The following HS6ST2 variants were observed in gnomAD, a reference collection of about 807,000 sequenced individuals.
HS6ST2 encodes the protein heparan-sulfate 6-O-sulfotransferase 2.
A neutral mutation model predicts 33.0 loss-of-function variants in HS6ST2; 17 were observed. The observed-to-expected ratio is 0.52, with a 90% confidence interval of 0.35 to 0.77. The LOEUF (loss-of-function observed/expected upper bound fraction) is 0.77, where lower values mean the gene tolerates loss of function less well. Among genes scored for constraint, HS6ST2 ranks in the 30% least tolerant of loss-of-function variants. The pLI, the probability that HS6ST2 is intolerant of heterozygous loss-of-function variation, is 0.01. For missense variants in HS6ST2, 519 were observed against 551.7 expected (o/e 0.94, Z 0.59); for synonymous variants, 248 against 237.1 (o/e 1.05, Z -0.42).
intron 2 of HS6ST2, among the ~76,000 whole-genome samples, chrX:132,754,226 G>A (rs1184705532): frequency 2.7e-5 from 3 of 110,198 alleles, no homozygotes; most frequent in Non-Finnish European, 5.7e-5. Flanking sequence ...TTTCTCATAA[G>A]TAGGCTGTGG....
In HS6ST2 at chrX:132,629,113, A is replaced by G. The variant is rs2063499714; in HGVS notation, c.1068-20T>C. The G allele has an allele frequency of 1.7e-6, 2 of 1,174,766 alleles. No individual in the cohort carries two copies. The highest frequency in any genetic ancestry group is 4.7e-5 in the Admixed American group (2 of 42,302). ...AAGTTCCTATGGATGAAGCACAAAA[A>G]CCAACAGTCAGAGATATGGGCGAAA... On this transcript the variant is annotated intron_variant, in intron 4 of 4. Transcript: ENST00000370833.
At chrX:132,649,616 GA>G (rs2063673611) in intron 4 of HS6ST2, among the ~76,000 whole-genome samples, 1 of 112,237 alleles carries the variant, frequency 8.9e-6, no homozygotes, top group East Asian at 2.8e-4. Context: ...CCAGTATTTT[GA>G]GAGGCTGAAG....
intron 2 of HS6ST2, among the ~76,000 whole-genome samples, chrX:132,857,257 G>T (rs2065860556): frequency 8.9e-6 from 1 of 111,919 alleles, no homozygotes; most frequent in South Asian, 3.7e-4. Flanking sequence ...AGGCCAAGGC[G>T]GGTGGATCAC....
intron 2 of HS6ST2, among the ~76,000 whole-genome samples, chrX:132,797,586 G>C (rs775668843): frequency 8.9e-6 from 1 of 112,216 alleles, no homozygotes; most frequent in African/African-American, 3.2e-5. Flanking sequence ...TGGAGTGTGT[G>C]TATGCACATG....
intron 2 of HS6ST2, among the ~76,000 whole-genome samples, chrX:132,890,178 T>G (rs903646241): frequency 9.0e-6 from 1 of 110,680 alleles, no homozygotes; most frequent in Non-Finnish European, 1.9e-5. Context: ...ATCTGAAAAC[T>G]ACCCCATGAG....
At chrX:132,872,305 C>A (rs2066069498) in intron 2 of HS6ST2, among the ~76,000 whole-genome samples, 1 of 112,036 alleles carries the variant, frequency 8.9e-6, no homozygotes, top group African/African-American at 3.2e-5. Context: ...ATTACCTCTC[C>A]ACTTGTTTAT....
chrX:132,956,991 G>C lies in HS6ST2; in HGVS notation c.764C>G (p.Pro255Arg). ...CTTCTGACCCACGCGGCACTCGCAC[G>C]GCTGCTCCAGCTGGATGTTACGCAC... The part of the protein sequence containing the change: ...HLVRNIQLEQ[P>R]CECRVGQKKC... Residue 255 changes from proline (P) to arginine (R), a missense_variant, in exon 2 of 5, where the codon CCG (proline) becomes CGG (arginine). Pro to Arg is a moderately radical substitution (Grantham distance 103). Transcript: ENST00000370833. 1 of 1,211,438 alleles carries C rather than the reference G, an allele frequency of 8.3e-7. No homozygotes were observed. Among genetic ancestry groups the C allele is most frequent in the Non-Finnish European group, 1.1e-6 (1 of 895,204 alleles).
chrX:132,705,718 C>T (rs2064184210), intron 3 of HS6ST2, among the ~76,000 whole-genome samples: 1 of 111,988 alleles, frequency 8.9e-6, no homozygotes, highest in Non-Finnish European at 1.9e-5. Flanking sequence ...CAACGTCACA[C>T]AGCTGGAAAG....
chrX:132,790,353 A>AT, intron 2 of HS6ST2, among the ~76,000 whole-genome samples: 1 of 111,801 alleles, frequency 8.9e-6, no homozygotes, highest in East Asian at 2.8e-4. Context: ...AGGCATGTAC[A>AT]TTTTTTAGTC....
chrX:132,689,193 T>C (rs2064042209), intron 3 of HS6ST2, among the ~76,000 whole-genome samples: 1 of 111,758 alleles, frequency 8.9e-6, no homozygotes, highest in African/African-American at 3.3e-5. Context: ...TGAATCCCAT[T>C]ATTCAAAAAT....
chrX:132,722,256 A>G (rs767156989), intron 2 of HS6ST2, among the ~76,000 whole-genome samples: 1 of 110,958 alleles, frequency 9.0e-6, no homozygotes, highest in South Asian at 3.8e-4. Context: ...GTAGAAGAAA[A>G]GAAATAACGA....
intron 2 of HS6ST2, among the ~76,000 whole-genome samples, chrX:132,836,922 G>C (rs1479225531): frequency 8.9e-6 from 1 of 111,796 alleles, no homozygotes; most frequent in Non-Finnish European, 1.9e-5. Flanking sequence ...TCATTTGTGT[G>C]TCCTATAGAA....
intron 2 of HS6ST2, among the ~76,000 whole-genome samples, chrX:132,735,962 C>T (rs2064505129): frequency 9.0e-6 from 1 of 111,315 alleles, no homozygotes; most frequent in South Asian, 3.8e-4. Flanking sequence ...GCCTCAGCCT[C>T]CTGAGTAGCT....
chrX:132,862,899 T>A (rs1460493781), intron 2 of HS6ST2, among the ~76,000 whole-genome samples: 1 of 111,856 alleles, frequency 8.9e-6, no homozygotes, highest in African/African-American at 3.3e-5. Context: ...AGGATCTACA[T>A]CAAGAAAGCT....
intron 2 of HS6ST2, among the ~76,000 whole-genome samples, chrX:132,744,031 T>C (rs1454900964): frequency 9.0e-6 from 1 of 111,466 alleles, no homozygotes; most frequent in Non-Finnish European, 1.9e-5. Flanking sequence ...TCAAGTGATC[T>C]CCTGCCTTGG....
chrX:132,670,534 T>C (rs2063861020), intron 3 of HS6ST2, among the ~76,000 whole-genome samples: 1 of 112,171 alleles, frequency 8.9e-6, no homozygotes, highest in Non-Finnish European at 1.9e-5. Context: ...GCGCGGTGGC[T>C]CATGCCTGTA....
Position 132,730,620 on chromosome X carries a change from G to A in HS6ST2, c.948-22126C>T, listed in dbSNP as rs144581782. On this transcript the variant is annotated intron_variant, in intron 2 of 4. Coordinates refer to ENST00000370833, the MANE Select transcript of HS6ST2 (RefSeq NM_001394073.1). ...CAACAACTGGGAGGTTAAGAGCAGC[G>A]TCATGGCGGCTTGCCACATTGTGAC... Among the ~76,000 whole-genome samples, 18 of 112,491 alleles carry A rather than the reference G, an allele frequency of 1.6e-4. No individual in the cohort carries two copies. The East Asian group carries it at 5.1e-3, about 32-fold the overall frequency.
In HS6ST2 at chrX:132,886,362, CTG is replaced by C. The variant is rs1180579831; in HGVS notation, c.947+70444_947+70445del. Among the ~76,000 whole-genome samples the C allele has an allele frequency of 1.4e-4, 16 of 110,809 alleles. No homozygotes were observed. The East Asian group carries it at 3.1e-3, about 22-fold the overall frequency. On this transcript the variant is annotated intron_variant, in intron 2 of 4. Coordinates refer to ENST00000370833, the MANE Select transcript of HS6ST2 (RefSeq NM_001394073.1). ...GATGGCAGAAGAAAGAATTTGTGAA[CTG>C]GAAGATAAATCTATAGAAATTATCT...
intron 2 of HS6ST2, among the ~76,000 whole-genome samples, chrX:132,922,102 C>T (rs2066656835): frequency 8.9e-6 from 1 of 111,911 alleles, no homozygotes; most frequent in Non-Finnish European, 1.9e-5. Context: ...AACACTCTTT[C>T]AAAAAACTTC....
Sources: allele counts gnomAD v4.1 joint callset (sites outside exome capture counted in the v4.1 genomes callset), GRCh38; gene constraint gnomAD v4.1.1; transcripts MANE v1.5; gene names NCBI Gene and HGNC (gene_info 2026-07-23, HGNC 2026-07-21).